NFILZ: variants seen among roughly 807,000 people sequenced by gnomAD.
NFILZ encodes NFIL3 like protein.
In NFILZ at chr19:8,680,568, A is replaced by G. The variant is rs193220906; in HGVS notation, c.*2933A>G. The stretch of plus-strand genomic sequence containing the variant: ...TACTGGGGAAAGAGAAGTGAACACA[A>G]TAGATGTGATTCCTGCCTCTATGGT... On this transcript the variant is annotated 3_prime_UTR_variant, in exon 6 of 6. Coordinates refer to ENST00000691075, the MANE Select transcript of NFILZ (RefSeq NM_001378600.1). Among the ~76,000 whole-genome samples the G allele has an allele frequency of 2.8e-4, 42 of 152,284 alleles. No homozygotes were observed. In the East Asian group the frequency reaches 7.7e-3, roughly 28 times the overall value.
intron 2 of NFILZ, among the ~76,000 whole-genome samples, chr19:8,633,315 C>A (rs2042879147): frequency 6.6e-6 from 1 of 152,166 alleles, no homozygotes; most frequent in Non-Finnish European, 1.5e-5. Flanking sequence ...AGCCAACGCG[C>A]CCGGCCTCCT....
intron 3 of NFILZ, among the ~76,000 whole-genome samples, chr19:8,656,783 C>G (rs183872735): frequency 6.6e-6 from 1 of 152,290 alleles, no homozygotes; most frequent in South Asian, 2.1e-4. Flanking sequence ...TAGCAGGGAA[C>G]TGAAGGGGGG....
At chr19:8,642,760 G>C (rs1468375665) in intron 3 of NFILZ, among the ~76,000 whole-genome samples, 1 of 152,060 alleles carries the variant, frequency 6.6e-6, no homozygotes, top group Non-Finnish European at 1.5e-5. Flanking sequence ...GGTAATGTCT[G>C]ATTGGCTAAA....
intron 1 of NFILZ, among the ~76,000 whole-genome samples, chr19:8,632,168 C>T (rs140257255): frequency 3.3e-5 from 5 of 151,752 alleles, no homozygotes; most frequent in Non-Finnish European, 5.9e-5. Context: ...CGCGCCCGGC[C>T]GCCCTTGTGT....
intron 3 of NFILZ, among the ~76,000 whole-genome samples, chr19:8,652,536 G>C (rs1298446058): frequency 6.6e-6 from 1 of 152,092 alleles, no homozygotes; most frequent in Non-Finnish European, 1.5e-5. Context: ...GGCAACTTAC[G>C]CTTTAAAATT....
rs577060492 is a variant in NFILZ at position 8,678,946 on chromosome 19, C to A, written c.*1311C>A. ...GTTTGGGAAGAAACATACTGAAGAC[C>A]AGACTGAAGGAGGAGGTAACGTCTA... On this transcript the variant is annotated 3_prime_UTR_variant, in exon 6 of 6. Coordinates refer to ENST00000691075, the MANE Select transcript of NFILZ (RefSeq NM_001378600.1). 2.0e-5 allele frequency among the ~76,000 whole-genome samples: 3 copies of A among 152,140 alleles called. No individual in the cohort carries two copies. Among genetic ancestry groups the A allele is most frequent in the African/African-American group, 4.8e-5 (2 of 41,426 alleles).
chr19:8,663,726 G>GTGTGTGTGTGTATGTGTGTGTA (rs1600151826), intron 3 of NFILZ, among the ~76,000 whole-genome samples: 1 of 84,016 alleles, frequency 1.2e-5, no homozygotes, highest in Non-Finnish European at 2.2e-5. Context: ...GTGTGTTTGT[G>GTGTGTGTGTGTATGTGTGTGTA]TGTGTGTGTG....
chr19:8,678,659 C>A lies in NFILZ; in HGVS notation c.*1024C>A, dbSNP rs1413080001. Among the ~76,000 whole-genome samples, 1 of 151,456 alleles carries A rather than the reference C, an allele frequency of 6.6e-6. No individual in the cohort carries two copies. The highest frequency in any genetic ancestry group is 2.4e-5 in the African/African-American group (1 of 41,146). ...CATCCATCCATCCATCCTCACCCAT[C>A]CATCTACACATCCTTCCTTTCATCC... On this transcript the variant is annotated 3_prime_UTR_variant, in exon 6 of 6. Coordinates refer to ENST00000691075, the MANE Select transcript of NFILZ (RefSeq NM_001378600.1).
chr19:8,656,441 T>TCTGTGAAACCCA (rs2043000661), intron 3 of NFILZ, among the ~76,000 whole-genome samples: 1 of 68,680 alleles, frequency 1.5e-5, no homozygotes, highest in African/African-American at 5.6e-5. Context: ...GCCCACCTTC[T>TCTGTGAAACCCA]CCTCGAAGCC....
At chr19:8,653,942 C>T (rs1351692115) in intron 3 of NFILZ, among the ~76,000 whole-genome samples, 1 of 152,060 alleles carries the variant, frequency 6.6e-6, no homozygotes, top group African/African-American at 2.4e-5. Flanking sequence ...ATGTAATCAA[C>T]ACCAGGCCAG....
rs2146178361 is a variant in NFILZ at position 8,678,446 on chromosome 19, C to T, written c.*811C>T. Among the ~76,000 whole-genome samples, 1 of 150,930 alleles carries T rather than the reference C, an allele frequency of 6.6e-6. No individual in the cohort carries two copies. Among genetic ancestry groups the T allele is most frequent in the South Asian group, 2.1e-4 (1 of 4,748 alleles). ...CATCCATCCTCATCCACTCATCCAC[C>T]CATCCTCACCTATCCATCCATCCAC... On this transcript the variant is annotated 3_prime_UTR_variant, in exon 6 of 6. Transcript: ENST00000691075.
At chr19:8,656,571 C>T (rs1381354641) in intron 3 of NFILZ, among the ~76,000 whole-genome samples, 1 of 148,240 alleles carries the variant, frequency 6.7e-6, no homozygotes, top group East Asian at 2.0e-4. Flanking sequence ...CCACCTGGCT[C>T]CAACCTCCTG....
intron 3 of NFILZ, among the ~76,000 whole-genome samples, chr19:8,663,704 TGTG>T (rs2043043456): frequency 1.5e-5 from 1 of 64,778 alleles, no homozygotes; most frequent in South Asian, 5.1e-4. Flanking sequence ...ATTAACAAGG[TGTG>T]GTGTGTGTGT....
chr19:8,658,376 A>G (rs2043014497), intron 3 of NFILZ, among the ~76,000 whole-genome samples: 1 of 152,106 alleles, frequency 6.6e-6, no homozygotes, highest in African/African-American at 2.4e-5. Context: ...TGTGCATTGT[A>G]GGATATTCAG....
chr19:8,664,839 A>G lies in NFILZ; in HGVS notation c.-163-9712A>G, dbSNP rs537708906. ...TCTGGGCAGGAGGGGTGGAGAAGGC[A>G]GAGAGCTGGACCTAGAGAAGTAGTC... On this transcript the variant is annotated intron_variant, in intron 3 of 5. Coordinates refer to ENST00000691075, the MANE Select transcript of NFILZ (RefSeq NM_001378600.1). Among the ~76,000 whole-genome samples the G allele has an allele frequency of 3.8e-4, 58 of 152,296 alleles. 1 individual carries two copies. In the East Asian group the frequency reaches 0.01, roughly 27 times the overall value.
chr19:8,673,634 C>G (rs1331998309), intron 3 of NFILZ, among the ~76,000 whole-genome samples: 2 of 152,114 alleles, frequency 1.3e-5, no homozygotes, highest in African/African-American at 2.4e-5. Flanking sequence ...CACTGCAGAC[C>G]CTCCTGTGAC....
At chr19:8,646,805 C>T (rs1171303842) in intron 3 of NFILZ, among the ~76,000 whole-genome samples, 4 of 152,148 alleles carry the variant, frequency 2.6e-5, no homozygotes, top group Non-Finnish European at 4.4e-5. Context: ...TGCCCTTCCT[C>T]TGCTGCTCCT....
At chr19:8,662,190 G>A (rs2043034589) in intron 3 of NFILZ, among the ~76,000 whole-genome samples, 1 of 148,044 alleles carries the variant, frequency 6.8e-6, no homozygotes, top group Admixed American at 6.7e-5. Context: ...GGGTGACAGA[G>A]CAAGACTCTG....
At chr19:8,653,134 C>T (rs1207136890) in intron 3 of NFILZ, among the ~76,000 whole-genome samples, 5 of 150,268 alleles carry the variant, frequency 3.3e-5, no homozygotes, top group Middle Eastern at 3.4e-3. Flanking sequence ...CAGGCTGGAG[C>T]GCAATGGTGC....
Sources: allele counts gnomAD v4.1 joint callset (sites outside exome capture counted in the v4.1 genomes callset), GRCh38; gene constraint gnomAD v4.1.1; transcripts MANE v1.5; gene names NCBI Gene and HGNC (gene_info 2026-07-23, HGNC 2026-07-21).